Variants in KBTBD2 observed in about 807,000 individuals in gnomAD.
The protein encoded by KBTBD2 is kelch repeat and BTB domain containing 2.
In KBTBD2, 17 loss-of-function variants were observed where a neutral mutation model predicts 57.1. The ratio of observed to expected loss-of-function variants is 0.30; its 90% CI spans 0.20 to 0.45. The LOEUF is 0.45. Ranked by LOEUF, KBTBD2 falls within the 20% of genes least tolerant of loss-of-function variation. KBTBD2 has a pLI of 1.00. For synonymous variants in KBTBD2, 267 were observed against 262.7 expected (o/e 1.02, Z -0.16); for missense variants, 515 against 750.6 (o/e 0.69, Z 3.67).
Position 32,875,772 on chromosome 7 carries a change from C to T in KBTBD2, c.171-615G>A, listed in dbSNP as rs544505545. ...TAAATGAACCTGAAAACATTATGCT[C>T]AGTGAAAGAAGCCACACACAAAAAA... On this transcript the variant is annotated intron_variant, in intron 2 of 3. Transcript: ENST00000304056. 1.8e-4 allele frequency among the ~76,000 whole-genome samples: 28 copies of T among 152,166 alleles called. No individual in the cohort carries two copies. In the South Asian group the frequency reaches 5.4e-3, roughly 29 times the overall value.
intron 2 of KBTBD2, among the ~76,000 whole-genome samples, chr7:32,878,275 C>T (rs1052095703): frequency 6.6e-5 from 10 of 151,950 alleles, no homozygotes; most frequent in African/African-American, 2.4e-4. Context: ...CTGTCTATAG[C>T]TGCCATTAAA....
intron 1 of KBTBD2, among the ~76,000 whole-genome samples, chr7:32,880,430 A>G (rs774725467): frequency 2.6e-5 from 4 of 152,204 alleles, no homozygotes; most frequent in Admixed American, 6.5e-5. Flanking sequence ...TACGGTAAAT[A>G]GATTCAAACT....
At chr7:32,878,927 A>G (rs768659278) in intron 2 of KBTBD2, among the ~76,000 whole-genome samples, 3 of 152,256 alleles carry the variant, frequency 2.0e-5, no homozygotes, top group Admixed American at 6.5e-5. Flanking sequence ...TAGTTATTAA[A>G]TATTTAAATC....
chr7:32,883,642 C>T (rs979242312), intron 1 of KBTBD2, among the ~76,000 whole-genome samples: 3 of 152,196 alleles, frequency 2.0e-5, no homozygotes, highest in East Asian at 1.9e-4. Context: ...AGCTTCAAAA[C>T]GTCACAGACC....
chr7:32,891,785 G>C (rs1328488052), upstream of KBTBD2: 1 of 150,988 alleles, frequency 6.6e-6, no homozygotes, highest in Non-Finnish European at 1.5e-5. Flanking sequence ...ACGCTCCTCA[G>C]GGCCCGACCA....
chr7:32,889,881 A>G (rs1424160968), intron 1 of KBTBD2, among the ~76,000 whole-genome samples: 2 of 152,240 alleles, frequency 1.3e-5, no homozygotes, highest in Non-Finnish European at 2.9e-5. Flanking sequence ...TCAAGTTTCT[A>G]GGAATTCACC....
intron 1 of KBTBD2, among the ~76,000 whole-genome samples, chr7:32,882,561 C>T (rs1321616907): frequency 6.6e-6 from 1 of 152,186 alleles, no homozygotes; most frequent in Non-Finnish European, 1.5e-5. Flanking sequence ...CCCTATTTCC[C>T]ACTCTTCTTT....
intron 2 of KBTBD2, among the ~76,000 whole-genome samples, chr7:32,876,433 A>T (rs1458008309): frequency 6.6e-6 from 1 of 152,238 alleles, no homozygotes; most frequent in Non-Finnish European, 1.5e-5. Flanking sequence ...GAGGGCCTTT[A>T]AATGAGACAA....
chr7:32,884,976 GTATA>G (rs529084573), intron 1 of KBTBD2, among the ~76,000 whole-genome samples: 3,668 of 130,096 alleles, frequency 0.028, 197 homozygotes, highest in East Asian at 0.2. Context: ...GTATGTGTGT[GTATA>G]TATATATATA....
chr7:32,874,361 C>G (rs972988718), intron 3 of KBTBD2, among the ~76,000 whole-genome samples: 1 of 151,614 alleles, frequency 6.6e-6, no homozygotes, highest in Non-Finnish European at 1.5e-5. Flanking sequence ...GATCGCGCCA[C>G]TAGACTCCAG....
chr7:32,879,490 C>T lies in KBTBD2; in HGVS notation c.115G>A (p.Gly39Ser). The T allele has an allele frequency of 1.9e-6, 3 of 1,613,202 alleles. No homozygotes were observed. Among genetic ancestry groups the T allele is most frequent in the Non-Finnish European group, 2.5e-6 (3 of 1,179,376 alleles). Residue 39 changes from glycine to serine, a missense_variant, in exon 2 of 4, where the codon GGC becomes AGC. Physicochemically the swap from Gly to Ser is moderately conservative, Grantham distance 56. Transcript: ENST00000304056. The stretch of plus-strand genomic sequence containing the variant: ...ATCTTATGACAAGGGAATTCAGTGC[C>T]CTCAACAATTAACACTATGTCAGTA... ...LFTDIVLIVEGTEFPCHKMVL... is the reference protein window; with the variant it reads ...LFTDIVLIVESTEFPCHKMVL...
At position 32,869,165 on chromosome 7, in the gene KBTBD2, C is replaced by T; in HGVS notation, c.*180G>A. On this transcript the variant is annotated 3_prime_UTR_variant, in exon 4 of 4. Transcript: ENST00000304056. ...TCTATTTCATATTATGGAAGCATAT[C>T]TTTCTGTAAGACTCACTGATATATA... 2 of 523,470 alleles carry T rather than the reference C, an allele frequency of 3.8e-6. No individual in the cohort carries two copies. Among genetic ancestry groups the T allele is most frequent in the Non-Finnish European group, 6.7e-6 (2 of 298,622 alleles). The allele number at this position is 523,470 out of a possible 1,614,324, so 32.4% of individuals were successfully genotyped here. A position where few individuals can be genotyped will look rare whatever the true frequency, so the allele number is the denominator to read the frequency against.
In KBTBD2 at chr7:32,870,529, G is replaced by C; in HGVS notation, c.688C>G (p.Gln230Glu). 6.2e-7 allele frequency: 1 copy of C among 1,614,144 alleles called. No individual in the cohort carries two copies. The highest frequency in any genetic ancestry group is 8.5e-7 in the Non-Finnish European group (1 of 1,180,018). The part of the protein sequence containing the change: ...IRIDALSEVT[Q>E]RAWFQGLPPN... Reference sequence around the variant, plus strand: ...GGCAGACCTTGAAACCAAGCTCTCTGTGTTACTTCTGAAAGTGCATCAATT... The same window carrying C: ...GGCAGACCTTGAAACCAAGCTCTCTCTGTTACTTCTGAAAGTGCATCAATT... The change falls in exon 4 of 4, where the codon CAG (glutamine) becomes GAG (glutamate). Residue 230 changes from glutamine (Q) to glutamate (E), a missense_variant. Transcript: ENST00000304056.
chr7:32,891,497 G>T, intron 1 of KBTBD2, 39 bp downstream of exon 1: 1 of 150,812 alleles, frequency 6.6e-6, no homozygotes, highest in Non-Finnish European at 1.5e-5. Flanking sequence ...AGGTCGCCGC[G>T]GGCTCCCAGC....
rs1193512348 is a variant in KBTBD2, at chr7:32,879,557, T to C, written c.48A>G (p.Ser16=). The C allele has an allele frequency of 1.2e-6, 2 of 1,613,566 alleles. No homozygotes were observed. The highest frequency in any genetic ancestry group is 1.7e-6 in the Non-Finnish European group (2 of 1,179,690). Residue 16 remains serine, a synonymous_variant, in exon 2 of 4, where the codon TCA becomes TCG. Transcript: ENST00000304056. ...AAAACAGTTTCAACTGTTCCAACAATGACACAGCATATTCAGTATTGATCT... is the reference window on the plus strand; with the variant it reads ...AAAACAGTTTCAACTGTTCCAACAACGACACAGCATATTCAGTATTGATCT... The part of the protein sequence containing the change: ...ERQINTEYAV[S]LLEQLKLFYE...
intron 1 of KBTBD2, among the ~76,000 whole-genome samples, chr7:32,889,957 C>G (rs946359199): frequency 1.2e-4 from 19 of 152,332 alleles, no homozygotes; most frequent in African/African-American, 4.6e-4. Context: ...AGAAGAAAAT[C>G]TATGGAGGAG....
chr7:32,889,917 G>C (rs760754295), intron 1 of KBTBD2, among the ~76,000 whole-genome samples: 36 of 152,308 alleles, frequency 2.4e-4, no homozygotes, highest in South Asian at 6.2e-4. Flanking sequence ...TCAATGTTTA[G>C]GAATGAAAAG....
intron 1 of KBTBD2, among the ~76,000 whole-genome samples, chr7:32,884,390 TAAAA>T (rs11363525): frequency 2.4e-5 from 3 of 125,792 alleles, no homozygotes; most frequent in Admixed American, 8.3e-5. Context: ...ATTTTTAATT[TAAAA>T]AAAAAAAAAA....
At chr7:32,878,218 T>A (rs1784361390) in intron 2 of KBTBD2, among the ~76,000 whole-genome samples, 1 of 152,110 alleles carries the variant, frequency 6.6e-6, no homozygotes, top group Non-Finnish European at 1.5e-5. Flanking sequence ...AGTTTCGGTA[T>A]CTTCATACAA....
Sources: allele counts gnomAD v4.1 joint callset (sites outside exome capture counted in the v4.1 genomes callset), GRCh38; gene constraint gnomAD v4.1.1; transcripts MANE v1.5; gene names NCBI Gene and HGNC (gene_info 2026-07-23, HGNC 2026-07-21).